The following TIMM23B variants were observed in gnomAD, a reference collection of about 807,000 sequenced individuals.
TIMM23B encodes the protein translocase of inner mitochondrial membrane 23 homolog B.
In TIMM23B, 27 loss-of-function variants were observed where a neutral mutation model predicts 27.3. That is an observed-to-expected ratio of 0.99 (90% CI 0.73 to 1.36). TIMM23B has a LOEUF of 1.36. Among genes scored for constraint, TIMM23B ranks in the 40% most tolerant of loss-of-function variants. The pLI, the probability that TIMM23B is intolerant of heterozygous loss-of-function variation, is 0.00. For missense variants in TIMM23B, 205 were observed against 244.2 expected (o/e 0.84, Z 1.07); for synonymous variants, 73 against 92.4 (o/e 0.79, Z 1.21).
chr10:49,942,053 A>T lies in TIMM23B; in HGVS notation c.-142A>T. 2.5e-6 allele frequency: 3 copies of T among 1,187,680 alleles called. No homozygotes were observed. The highest frequency in any genetic ancestry group is 3.1e-5 in the African/African-American group (2 of 64,688). The allele number at this position is 1,187,680 out of a possible 1,614,324, so 73.6% of individuals were successfully genotyped here. A position where few individuals can be genotyped will look rare whatever the true frequency, so the allele number is the denominator to read the frequency against. ...GCCGCAAAGCGGAAGTGTGGCGCTT[A>T]ACGGGAACCGGCGCCCGGAATGTCA... On this transcript the variant is annotated 5_prime_UTR_variant, in exon 1 of 7. Transcript: ENST00000651259.
chr10:49,968,572 T>A (rs2805298), intron 6 of TIMM23B, among the ~76,000 whole-genome samples: 1 of 148,594 alleles, frequency 6.7e-6, no homozygotes, highest in African/African-American at 2.5e-5. Flanking sequence ...CAGTGGCTCA[T>A]GTCTGTAATC....
At chr10:49,954,413 C>T (rs1371724136) in intron 4 of TIMM23B, 8 of 313,778 alleles carry the variant, frequency 2.5e-5, no homozygotes, top group East Asian at 2.5e-4. Context: ...GGAGCAGACA[C>T]AGGGTGCTTT....
intron 6 of TIMM23B, among the ~76,000 whole-genome samples, chr10:49,961,802 G>A (rs1462867371): frequency 3.2e-4 from 48 of 148,686 alleles, no homozygotes; most frequent in Admixed American, 6.8e-4. Context: ...TTAGCAATGG[G>A]GTCTTGCTAT....
chr10:49,958,493 G>A lies in TIMM23B; in HGVS notation c.514+13G>A, dbSNP rs1839795069. On this transcript the variant is annotated intron_variant, in intron 6 of 6. Transcript: ENST00000651259. ...TATAAATGTACAGGTGAGTACTGTT[G>A]AATGGGGAGCCATCTCTTAATATAC... The A allele has an allele frequency of 6.2e-7, 1 of 1,607,696 alleles. No individual in the cohort carries two copies. The highest frequency in any genetic ancestry group is 8.5e-7 in the Non-Finnish European group (1 of 1,174,756).
chr10:49,947,014 A>G (rs1225224547), intron 2 of TIMM23B, among the ~76,000 whole-genome samples: 8 of 152,262 alleles, frequency 5.3e-5, no homozygotes, highest in Non-Finnish European at 1.2e-4. Context: ...TTGCTTTTCA[A>G]CAAGGATGCC....
intron 2 of TIMM23B, among the ~76,000 whole-genome samples, chr10:49,947,952 C>T (rs1839406718): frequency 3.3e-5 from 5 of 152,060 alleles, no homozygotes; most frequent in Admixed American, 1.3e-4. Flanking sequence ...GGGGAAAAGA[C>T]AATCCACAGA....
intron 6 of TIMM23B, among the ~76,000 whole-genome samples, chr10:49,965,026 G>A (rs1840077432): frequency 6.6e-6 from 1 of 152,202 alleles, no homozygotes; most frequent in African/African-American, 2.4e-5. Flanking sequence ...TTCAAGATCA[G>A]CCTGGCCAAC....
At chr10:49,959,895 C>G (rs1248524015) in intron 6 of TIMM23B, among the ~76,000 whole-genome samples, 2 of 151,958 alleles carry the variant, frequency 1.3e-5, no homozygotes, top group Non-Finnish European at 2.9e-5. Context: ...ACTGCAGGCA[C>G]ACACCACCAC....
intron 2 of TIMM23B, among the ~76,000 whole-genome samples, chr10:49,950,437 T>A (rs1314975380): frequency 6.6e-6 from 1 of 151,942 alleles, no homozygotes; most frequent in Non-Finnish European, 1.5e-5. Context: ...CAACCCTTGT[T>A]ATATTTTTCA....
chr10:49,942,945 C>A (rs1295369886), intron 1 of TIMM23B, among the ~76,000 whole-genome samples: 5 of 152,262 alleles, frequency 3.3e-5, no homozygotes, highest in African/African-American at 1.2e-4. Flanking sequence ...TTTTCCAGAA[C>A]TTTGGTACTT....
chr10:49,970,700 G>A (rs1303839298), intron 6 of TIMM23B, among the ~76,000 whole-genome samples: 1 of 149,364 alleles, frequency 6.7e-6, no homozygotes, highest in African/African-American at 2.5e-5. Flanking sequence ...CACCCCATCC[G>A]GGAGGGAGGT....
intron 4 of TIMM23B, chr10:49,954,443 A>T (rs1405690368): frequency 1.7e-5 from 4 of 229,568 alleles, no homozygotes; most frequent in Non-Finnish European, 1.8e-5. Context: ...TTCTAGTTAG[A>T]TGGCTGATTC....
At chr10:49,945,896 A>G (rs1392761091) in intron 2 of TIMM23B, among the ~76,000 whole-genome samples, 1 of 151,878 alleles carries the variant, frequency 6.6e-6, no homozygotes, top group Non-Finnish European at 1.5e-5. Context: ...TAATGATTAT[A>G]AAAACAAACT....
At chr10:49,964,017 T>C (rs1411074263) in intron 6 of TIMM23B, among the ~76,000 whole-genome samples, 1 of 151,698 alleles carries the variant, frequency 6.6e-6, no homozygotes, top group Non-Finnish European at 1.5e-5. Flanking sequence ...AATAATGAAA[T>C]GCGTGTGGTG....
intron 6 of TIMM23B, among the ~76,000 whole-genome samples, chr10:49,972,032 A>G (rs1840473519): frequency 6.6e-6 from 1 of 152,240 alleles, no homozygotes; most frequent in African/African-American, 2.4e-5. Context: ...CTTTAAGCTG[A>G]ATAAACATTT....
chr10:49,965,567 C>T (rs1206529151), intron 6 of TIMM23B, among the ~76,000 whole-genome samples: 5 of 134,888 alleles, frequency 3.7e-5, no homozygotes, highest in African/African-American at 1.1e-4. Context: ...TGATGAAATA[C>T]GAAATGCCAG....
chr10:49,969,742 C>T (rs1179047647), intron 6 of TIMM23B, among the ~76,000 whole-genome samples: 4 of 152,080 alleles, frequency 2.6e-5, no homozygotes, highest in African/African-American at 9.7e-5. Context: ...AAAGAAAATT[C>T]TGGCTCTCCC....
chr10:49,947,502 G>C (rs1204309229), intron 2 of TIMM23B, among the ~76,000 whole-genome samples: 2 of 152,064 alleles, frequency 1.3e-5, no homozygotes, highest in Non-Finnish European at 2.9e-5. Context: ...CCAGCTACTT[G>C]GGAGGCTGAG....
intron 6 of TIMM23B, among the ~76,000 whole-genome samples, chr10:49,968,775 C>T (rs1166776405): frequency 6.6e-6 from 1 of 152,012 alleles, no homozygotes; most frequent in Non-Finnish European, 1.5e-5. Flanking sequence ...GCAAGGCTTG[C>T]AGTGAGCCGA....
Sources: gnomAD v4.1 joint callset for allele counts (sites outside exome capture counted in the v4.1 genomes callset) on GRCh38, gnomAD v4.1.1 for gene constraint, MANE v1.5 for transcripts, NCBI Gene and HGNC (gene_info 2026-07-23, HGNC 2026-07-21) for gene names.